VSTM4: variants seen among roughly 807,000 people sequenced by gnomAD.
The protein encoded by VSTM4 is V-set and transmembrane domain-containing protein 4.
In VSTM4, 20 loss-of-function variants were observed where a neutral mutation model predicts 36.4. The observed-to-expected ratio is 0.55, with a 90% confidence interval of 0.39 to 0.80. VSTM4 has a LOEUF of 0.80. VSTM4 is among the 30% of genes least tolerant of loss of function. The pLI is 0.00. For missense variants in VSTM4, 392 were observed against 404.5 expected, an observed-to-expected ratio of 0.97 and a Z score of 0.26; for synonymous variants, 182 against 173.9, an observed-to-expected ratio of 1.05 and a Z score of -0.37.
chr10:49,109,445 T>G (rs550846450), intron 1 of VSTM4, among the ~76,000 whole-genome samples: 1 of 150,852 alleles, frequency 6.6e-6, no homozygotes, highest in African/African-American at 2.5e-5. Flanking sequence ...TTTCCACTAT[T>G]GATTTAATAA....
At chr10:49,024,941 T>A (rs1014679593) in intron 7 of VSTM4, among the ~76,000 whole-genome samples, 1 of 76,650 alleles carries the variant, frequency 1.3e-5, no homozygotes, top group Non-Finnish European at 4.1e-5. Flanking sequence ...TATTTGCAGA[T>A]GGGTTTTTTT....
At chr10:49,047,974 A>G (rs1316183064) in intron 6 of VSTM4, among the ~76,000 whole-genome samples, 1 of 152,190 alleles carries the variant, frequency 6.6e-6, no homozygotes, top group Non-Finnish European at 1.5e-5. Flanking sequence ...AGAAACACCT[A>G]TCTTCCTCAC....
chr10:49,047,161 G>T, intron 6 of VSTM4, 117 bp from the exon 7 acceptor site: 1 of 1,059,562 alleles, frequency 9.4e-7, no homozygotes, highest in Non-Finnish European at 1.4e-6. Flanking sequence ...TGGTCCCATG[G>T]AAGAACTTTC....
At chr10:49,082,952 G>A (rs769421288) in intron 3 of VSTM4, among the ~76,000 whole-genome samples, 4 of 152,154 alleles carry the variant, frequency 2.6e-5, no homozygotes, top group African/African-American at 4.8e-5. Context: ...GCCAGCTCCC[G>A]CCCTCCCAAA....
intron 2 of VSTM4, among the ~76,000 whole-genome samples, chr10:49,099,287 G>C (rs1844626426): frequency 6.6e-6 from 1 of 152,194 alleles, no homozygotes; most frequent in African/African-American, 2.4e-5. Flanking sequence ...CGCAGAGAGA[G>C]CCTCCCAGCA....
chr10:49,091,477 AG>A (rs1248899310), intron 2 of VSTM4, among the ~76,000 whole-genome samples: 2 of 152,226 alleles, frequency 1.3e-5, no homozygotes, highest in Non-Finnish European at 2.9e-5. Context: ...TAGAGGAAGC[AG>A]GCTGGAAAGA....
chr10:49,034,722 AT>A (rs894621347), intron 7 of VSTM4, among the ~76,000 whole-genome samples: 336 of 150,538 alleles, frequency 2.2e-3, no homozygotes, highest in African/African-American at 7.7e-3. Context: ...TTTCTTTATT[AT>A]TTTTTTTTGA....
intron 4 of VSTM4, among the ~76,000 whole-genome samples, chr10:49,066,206 T>A (rs920304311): frequency 6.6e-6 from 1 of 152,164 alleles, no homozygotes; most frequent in Non-Finnish European, 1.5e-5. Flanking sequence ...ACTTTTAACA[T>A]CACCCTTTTC....
At chr10:49,112,332 C>T (rs1590143885) in intron 1 of VSTM4, among the ~76,000 whole-genome samples, 2 of 152,332 alleles carry the variant, frequency 1.3e-5, no homozygotes, top group Middle Eastern at 6.8e-3. Flanking sequence ...GGTCCCAGGC[C>T]TTCTCTGGTA....
At chr10:49,064,812 A>ATATTCC in intron 4 of VSTM4, 76 bp from the exon 5 acceptor site, 1 of 1,504,222 alleles carries the variant, frequency 6.6e-7, no homozygotes, top group African/African-American at 1.4e-5. Context: ...TTACAAGGAA[A>ATATTCC]TGCCGGGAGC....
At chr10:49,043,524 G>C (rs941326426) in intron 7 of VSTM4, among the ~76,000 whole-genome samples, 3 of 152,088 alleles carry the variant, frequency 2.0e-5, no homozygotes, top group Admixed American at 2.0e-4. Flanking sequence ...GCACCTAGTG[G>C]AAAAAGTTTA....
intron 5 of VSTM4, chr10:49,064,414 C>G (rs1843934986): frequency 2.4e-6 from 1 of 420,218 alleles, no homozygotes; most frequent in Non-Finnish European, 4.3e-6. Context: ...CAAGTGTGAG[C>G]CCCTTCCTAA....
At chr10:49,102,571 T>C (rs1844687746) in intron 2 of VSTM4, 1 of 985,464 alleles carries the variant, frequency 1.0e-6, no homozygotes, top group Non-Finnish European at 1.2e-6. Flanking sequence ...GAGCACTCCA[T>C]GGGCTGGCAT....
intron 7 of VSTM4, among the ~76,000 whole-genome samples, chr10:49,033,687 G>T (rs553233368): frequency 6.6e-6 from 1 of 152,278 alleles, no homozygotes; most frequent in South Asian, 2.1e-4. Context: ...CCAAGTGCCT[G>T]GTTGGAGCAG....
At chr10:49,077,387 G>T in intron 3 of VSTM4, 61 bp from the exon 4 acceptor site, 1 of 1,452,896 alleles carries the variant, frequency 6.9e-7, no homozygotes, top group Non-Finnish European at 9.7e-7. Flanking sequence ...AAGTGCGCTG[G>T]CAAGAGAACA....
intron 7 of VSTM4, among the ~76,000 whole-genome samples, chr10:49,028,563 A>G (rs1843297627): frequency 6.6e-6 from 1 of 152,218 alleles, no homozygotes; most frequent in Admixed American, 6.5e-5. Flanking sequence ...GGAAGATAAC[A>G]CACTTTAAGC....
rs142712740 is a variant in VSTM4 at position 49,026,875 on chromosome 10, A to C, written c.838-7100T>G. ...ACATTGCACATCCTGTGACTGCTGA[A>C]AGTACCAAGCCTTACACTACGGATG... On this transcript the variant is annotated intron_variant, in intron 7 of 7. Transcript: ENST00000332853. Among the ~76,000 whole-genome samples the C allele has an allele frequency of 4.1e-4, 62 of 152,280 alleles. 1 individual carries two copies. In the East Asian group the frequency reaches 0.012, roughly 28 times the overall value.
intron 3 of VSTM4, among the ~76,000 whole-genome samples, chr10:49,081,564 C>A (rs984108762): frequency 4.6e-5 from 7 of 152,256 alleles, no homozygotes; most frequent in African/African-American, 1.7e-4. Flanking sequence ...TTGGGGCACA[C>A]TCTGCCCAGG....
chr10:49,109,415 C>T (rs1844852338), intron 1 of VSTM4, among the ~76,000 whole-genome samples: 1 of 152,224 alleles, frequency 6.6e-6, no homozygotes, highest in Non-Finnish European at 1.5e-5. Context: ...ATCCAGGCAA[C>T]AGGTCTTCCT....
Sources: allele counts gnomAD v4.1 joint callset (sites outside exome capture counted in the v4.1 genomes callset), GRCh38; gene constraint gnomAD v4.1.1; transcripts MANE v1.5; gene names NCBI Gene and HGNC (gene_info 2026-07-23, HGNC 2026-07-21).